The following MYO1B variants were observed in gnomAD, a reference collection of about 807,000 sequenced individuals.
MYO1B encodes the protein myosin IB, also known as unconventional myosin-Ib.
A neutral mutation model predicts 159.7 loss-of-function variants in MYO1B; 72 were observed. The ratio of observed to expected loss-of-function variants is 0.45; its 90% CI spans 0.37 to 0.55. The LOEUF (loss-of-function observed/expected upper bound fraction) is 0.55. Among genes scored for constraint, MYO1B ranks in the 20% least tolerant of loss-of-function variants. The probability of loss-of-function intolerance (pLI) is 0.00; values close to 1 mark genes in which losing one functional copy is unlikely to be tolerated. For synonymous variants in MYO1B, 468 were observed against 473.8 expected (o/e 0.99, Z 0.16); for missense variants, 1,062 against 1,364.8 (o/e 0.78, Z 3.50).
chr2:191,414,008 T>A (rs1344191934), intron 27 of MYO1B, 40 bp from the exon 28 acceptor site: 3 of 1,556,262 alleles, frequency 1.9e-6, no homozygotes, highest in Non-Finnish European at 2.6e-6. Flanking sequence ...GTACTTTCAT[T>A]TGAAACTATT....
At chr2:191,257,523 T>C (rs1389888002) in intron 1 of MYO1B, among the ~76,000 whole-genome samples, 1 of 152,234 alleles carries the variant, frequency 6.6e-6, no homozygotes, top group East Asian at 1.9e-4. Context: ...CAAAAGCCCA[T>C]TGATTTTAAT....
At chr2:191,324,075 AGTT>A (rs1455736672) in intron 3 of MYO1B, among the ~76,000 whole-genome samples, 2 of 152,016 alleles carry the variant, frequency 1.3e-5, no homozygotes, top group Non-Finnish European at 2.9e-5. Context: ...AAAAAAAATA[AGTT>A]GTTGTTGTAT....
At position 191,280,499 on chromosome 2, in the gene MYO1B, G is replaced by A. The variant is rs188260101; in HGVS notation, c.135+3469G>A. The stretch of plus-strand genomic sequence containing the variant: ...ATTCCAGGCTTTGCATTCCCGCATC[G>A]CGCTGGCTAGAAGAAGAGGCAGTGC... On this transcript the variant is annotated intron_variant, in intron 2 of 30. Coordinates refer to ENST00000392318, the MANE Select transcript of MYO1B (RefSeq NM_001130158.3). Among the ~76,000 whole-genome samples the A allele has an allele frequency of 7.2e-5, 11 of 152,230 alleles. No individual in the cohort carries two copies. The East Asian group carries it at 1.7e-3, about 24-fold the overall frequency.
intron 13 of MYO1B, among the ~76,000 whole-genome samples, chr2:191,371,853 C>G (rs1694385649): frequency 6.6e-6 from 1 of 152,272 alleles, no homozygotes; most frequent in East Asian, 1.9e-4. Context: ...GTCCCCAGAA[C>G]AGAGGTCTTC....
intron 1 of MYO1B, among the ~76,000 whole-genome samples, chr2:191,270,740 A>ATC (rs1687407383): frequency 1.3e-5 from 2 of 152,178 alleles, no homozygotes; most frequent in Non-Finnish European, 2.9e-5. Flanking sequence ...TGTGTTCATG[A>ATC]AATCTTGCCA....
chr2:191,327,686 GA>G (rs1691192707), intron 3 of MYO1B, among the ~76,000 whole-genome samples: 1 of 152,230 alleles, frequency 6.6e-6, no homozygotes, highest in Non-Finnish European at 1.5e-5. Context: ...AAGCAGCTGT[GA>G]AGCTTGAGCA....
At chr2:191,360,231 A>C (rs1378067510) in intron 7 of MYO1B, among the ~76,000 whole-genome samples, 3 of 152,214 alleles carry the variant, frequency 2.0e-5, no homozygotes, top group Admixed American at 1.3e-4. Flanking sequence ...GCACATAATA[A>C]GATCTCAAAG....
chr2:191,258,762 A>C (rs771170971), intron 1 of MYO1B, among the ~76,000 whole-genome samples: 5 of 152,198 alleles, frequency 3.3e-5, no homozygotes, highest in Non-Finnish European at 7.3e-5. Flanking sequence ...GGTTTAGCCT[A>C]GGCATGCCAA....
At chr2:191,347,452 A>T (rs1189987263) in intron 6 of MYO1B, among the ~76,000 whole-genome samples, 1 of 152,248 alleles carries the variant, frequency 6.6e-6, no homozygotes, top group Non-Finnish European at 1.5e-5. Flanking sequence ...TCTTTATGTG[A>T]TAGAGATTTT....
intron 15 of MYO1B, among the ~76,000 whole-genome samples, chr2:191,384,888 A>G (rs1021140785): frequency 6.6e-6 from 1 of 152,230 alleles, no homozygotes; most frequent in African/African-American, 2.4e-5. Context: ...TTCCAGCATC[A>G]TTAAACAATA....
chr2:191,315,485 G>T (rs1690291074), intron 3 of MYO1B, among the ~76,000 whole-genome samples: 1 of 152,174 alleles, frequency 6.6e-6, no homozygotes, highest in African/African-American at 2.4e-5. Flanking sequence ...AAATAGATGA[G>T]ACCCCAGTGA....
intron 26 of MYO1B, among the ~76,000 whole-genome samples, chr2:191,410,855 C>G (rs904301037): frequency 6.6e-6 from 1 of 152,192 alleles, no homozygotes; most frequent in Admixed American, 6.5e-5. Context: ...AAGAAGCATT[C>G]CAGGTTCTGC....
intron 7 of MYO1B, 127 bp from the exon 8 acceptor site, chr2:191,360,503 AC>A: frequency 6.6e-6 from 4 of 610,376 alleles, no homozygotes; most frequent in Non-Finnish European, 1.1e-5. Context: ...AACTGAAAAT[AC>A]AGCTTCCTTT....
chr2:191,341,690 C>T (rs1692235472), intron 5 of MYO1B, 125 bp downstream of exon 5: 6 of 667,188 alleles, frequency 9.0e-6, no homozygotes, highest in East Asian at 8.5e-5. Flanking sequence ...AGATTCAGGC[C>T]AAGACCTGCT....
intron 1 of MYO1B, among the ~76,000 whole-genome samples, chr2:191,256,087 G>A (rs10931491): frequency 0.54 from 82,268 of 152,004 alleles, 25,804 homozygotes; most frequent in Non-Finnish European, 0.68. Context: ...TTACACACCT[G>A]CCTAGAATCT....
At chr2:191,396,891 C>G (rs1367738229) in intron 21 of MYO1B, among the ~76,000 whole-genome samples, 1 of 152,042 alleles carries the variant, frequency 6.6e-6, no homozygotes, top group Non-Finnish European at 1.5e-5. Flanking sequence ...TGCAGGCTAC[C>G]CATCACGATT....
intron 5 of MYO1B, among the ~76,000 whole-genome samples, chr2:191,345,299 C>T (rs763370792): frequency 2.6e-5 from 4 of 152,044 alleles, no homozygotes; most frequent in Non-Finnish European, 5.9e-5. Flanking sequence ...TAAAGATGGG[C>T]GGGGTGGGGC....
At chr2:191,273,382 CAA>C (rs529480672) in intron 1 of MYO1B, among the ~76,000 whole-genome samples, 3 of 152,170 alleles carry the variant, frequency 2.0e-5, no homozygotes, top group Non-Finnish European at 4.4e-5. Flanking sequence ...CTCGGCCTCC[CAA>C]AGTGTTGGGA....
intron 20 of MYO1B, 128 bp downstream of exon 20, chr2:191,393,350 C>A: frequency 9.2e-7 from 1 of 1,090,356 alleles, no homozygotes; most frequent in Non-Finnish European, 1.3e-6. Context: ...AATGGATGTT[C>A]TTAATGGTTC....
Sources: allele counts gnomAD v4.1 joint callset (sites outside exome capture counted in the v4.1 genomes callset), GRCh38; gene constraint gnomAD v4.1.1; transcripts MANE v1.5; gene names NCBI Gene and HGNC (gene_info 2026-07-23, HGNC 2026-07-21).